WWOX: variants seen among roughly 807,000 people sequenced by gnomAD.
WWOX encodes the protein WW domain containing oxidoreductase.
A neutral mutation model predicts 46.2 loss-of-function variants in WWOX; 69 were observed. That is an observed-to-expected ratio of 1.49 (90% CI 1.23 to 1.82). WWOX has a LOEUF of 1.82. Among genes scored for constraint, WWOX ranks in the 40% most tolerant of loss-of-function variants. The pLI, the probability that WWOX is intolerant of heterozygous loss-of-function variation, is 0.00. For synonymous variants in WWOX, 359 were observed against 202.6 expected (o/e 1.77, Z -6.56); for missense variants, 919 against 542.6 (o/e 1.69, Z -6.89).
At chr16:78,952,505 C>G (rs977043491) in intron 8 of WWOX, among the ~76,000 whole-genome samples, 4 of 151,846 alleles carry the variant, frequency 2.6e-5, no homozygotes, top group Middle Eastern at 3.2e-3. Context: ...GCCTCTGCCT[C>G]CTGAGTAGCT....
chr16:79,083,980 C>T (rs986766198), intron 8 of WWOX, among the ~76,000 whole-genome samples: 7 of 152,152 alleles, frequency 4.6e-5, no homozygotes, highest in African/African-American at 1.7e-4. Context: ...TCGGAGCCCA[C>T]CCTTGTAGTT....
At chr16:79,209,664 T>C (rs745822972) in intron 8 of WWOX, among the ~76,000 whole-genome samples, 7 of 152,156 alleles carry the variant, frequency 4.6e-5, no homozygotes, top group Non-Finnish European at 1.0e-4. Context: ...CAAAACACCA[T>C]CTCCACCAGA....
chr16:78,217,850 A>C (rs1471428634), intron 5 of WWOX, among the ~76,000 whole-genome samples: 1 of 152,180 alleles, frequency 6.6e-6, no homozygotes, highest in African/African-American at 2.4e-5. Flanking sequence ...TCAGCATATA[A>C]GCTGGAAGTG....
chr16:78,719,257 C>G (rs1471192882), intron 8 of WWOX, among the ~76,000 whole-genome samples: 1 of 152,150 alleles, frequency 6.6e-6, no homozygotes, highest in Admixed American at 6.5e-5. Context: ...AACTTCCACA[C>G]AAAACGGGTG....
intron 6 of WWOX, among the ~76,000 whole-genome samples, chr16:78,397,599 G>GA (rs1198121010): frequency 6.6e-6 from 1 of 152,206 alleles, no homozygotes; most frequent in African/African-American, 2.4e-5. Context: ...TCTCATTTGG[G>GA]AAATATACCA....
At chr16:78,474,744 C>G (rs373179124) in intron 8 of WWOX, among the ~76,000 whole-genome samples, 18 of 152,150 alleles carry the variant, frequency 1.2e-4, no homozygotes, top group African/African-American at 2.9e-4. Flanking sequence ...CACTTCAACT[C>G]TTCCCCAGCC....
At chr16:78,260,692 C>G (rs1305138421) in intron 5 of WWOX, among the ~76,000 whole-genome samples, 3 of 148,248 alleles carry the variant, frequency 2.0e-5, no homozygotes, top group Non-Finnish European at 4.5e-5. Context: ...TTATCTCTGC[C>G]CTTTGGGAGG....
chr16:78,507,351 C>A (rs557872038), intron 8 of WWOX, among the ~76,000 whole-genome samples: 1 of 152,094 alleles, frequency 6.6e-6, no homozygotes, highest in East Asian at 1.9e-4. Flanking sequence ...AGCAACTGAC[C>A]CTTGGGATAA....
At chr16:78,678,719 C>T (rs764345037) in intron 8 of WWOX, among the ~76,000 whole-genome samples, 1 of 152,106 alleles carries the variant, frequency 6.6e-6, no homozygotes, top group South Asian at 2.1e-4. Flanking sequence ...AAGATTTTGA[C>T]GGAGGGCTGG....
chr16:78,161,463 T>C (rs1026279685), intron 4 of WWOX, among the ~76,000 whole-genome samples: 10 of 151,788 alleles, frequency 6.6e-5, no homozygotes, highest in Non-Finnish European at 1.3e-4. Flanking sequence ...TCCATTTAAA[T>C]TGAGACAGGG....
intron 8 of WWOX, among the ~76,000 whole-genome samples, chr16:78,672,002 A>G (rs1288371454): frequency 9.2e-5 from 14 of 152,164 alleles, no homozygotes; most frequent in Admixed American, 7.2e-4. Flanking sequence ...AAAAGCAGGA[A>G]CATCATCTGC....
intron 3 of WWOX, among the ~76,000 whole-genome samples, chr16:78,113,701 G>A (rs1053858745): frequency 2.0e-5 from 3 of 152,168 alleles, no homozygotes; most frequent in South Asian, 2.1e-4. Context: ...ATGCTGCCAA[G>A]GTGAAGTGAG....
chr16:78,509,823 G>A (rs543355885), intron 8 of WWOX, among the ~76,000 whole-genome samples: 1 of 151,952 alleles, frequency 6.6e-6, no homozygotes, highest in East Asian at 1.9e-4. Flanking sequence ...AGGAAGCCGT[G>A]TGGCTCACAA....
At chr16:78,681,174 G>A (rs1280619354) in intron 8 of WWOX, among the ~76,000 whole-genome samples, 1 of 152,078 alleles carries the variant, frequency 6.6e-6, no homozygotes, top group East Asian at 1.9e-4. Context: ...ACTTGAACCC[G>A]AGAGGCGGAG....
chr16:78,882,210 C>G (rs185383563), intron 8 of WWOX, among the ~76,000 whole-genome samples: 2 of 152,122 alleles, frequency 1.3e-5, no homozygotes, highest in Non-Finnish European at 2.9e-5. Flanking sequence ...TGTCATAAAG[C>G]CAATACTTTC....
intron 8 of WWOX, among the ~76,000 whole-genome samples, chr16:79,151,967 G>A: frequency 6.6e-6 from 1 of 152,288 alleles, no homozygotes; most frequent in South Asian, 2.1e-4. Flanking sequence ...TCTTTAAAAG[G>A]CAACAGAAAG....
At chr16:78,206,656 A>G (rs2036405190) in intron 5 of WWOX, among the ~76,000 whole-genome samples, 1 of 152,210 alleles carries the variant, frequency 6.6e-6, no homozygotes, top group Non-Finnish European at 1.5e-5. Flanking sequence ...ACTTTTGTAG[A>G]TACAATTAAT....
intron 8 of WWOX, among the ~76,000 whole-genome samples, chr16:78,720,989 G>A (rs529272387): frequency 6.6e-6 from 1 of 152,246 alleles, no homozygotes; most frequent in African/African-American, 2.4e-5. Flanking sequence ...CGTGCCTGGA[G>A]AGTTGCCTTT....
chr16:78,558,169 C>T (rs1201122617), intron 8 of WWOX, among the ~76,000 whole-genome samples: 2 of 152,170 alleles, frequency 1.3e-5, no homozygotes, highest in Non-Finnish European at 1.5e-5. Flanking sequence ...CTGCTGCCAC[C>T]ACCGCCTTCC....
Sources: gnomAD v4.1 joint callset for allele counts (sites outside exome capture counted in the v4.1 genomes callset) on GRCh38, gnomAD v4.1.1 for gene constraint, MANE v1.5 for transcripts, NCBI Gene and HGNC (gene_info 2026-07-23, HGNC 2026-07-21) for gene names.